The following WIPF2 variants were observed in gnomAD, a reference collection of about 807,000 sequenced individuals.
The protein encoded by WIPF2 is WAS/WASL-interacting protein family member 2.
Under a neutral mutation model 38.8 loss-of-function variants are expected in WIPF2, and 23 were observed. The observed-to-expected ratio is 0.59, with a 90% CI of 0.43 to 0.84. The LOEUF is 0.84. Among genes scored for constraint, WIPF2 ranks in the 40% least tolerant of loss-of-function variants. The pLI is 0.00. For missense variants in WIPF2, 574 were observed against 580.5 expected (o/e 0.99, Z 0.11); for synonymous variants, 210 against 223.2 (o/e 0.94, Z 0.53).
intron 1 of WIPF2, among the ~76,000 whole-genome samples, chr17:40,236,966 G>C (rs1419952207): frequency 6.6e-6 from 1 of 151,914 alleles, no homozygotes; most frequent in Non-Finnish European, 1.5e-5. Flanking sequence ...AAGACTTTAG[G>C]ATCTTGCCTT....
At position 40,280,277 on chromosome 17, in the gene WIPF2, T is replaced by C. The variant is rs1286481818; in HGVS notation, c.*2052T>C. ...TGAGGTCAGAAGTTCGAGACCAGCCTGTCCAACATGGTGAAACCCCGTCTC... is the reference window on the plus strand; with the variant it reads ...TGAGGTCAGAAGTTCGAGACCAGCCCGTCCAACATGGTGAAACCCCGTCTC... On this transcript the variant is annotated 3_prime_UTR_variant, in exon 8 of 8. Coordinates refer to ENST00000323571, the MANE Select transcript of WIPF2 (RefSeq NM_133264.5). 2 of 152,304 alleles carry C rather than the reference T, an allele frequency of 1.3e-5. No homozygotes were observed. The highest frequency in any genetic ancestry group is 4.8e-5 in the African/African-American group (2 of 41,466). The allele number at this position is 152,304 out of a possible 1,614,324, so 9.4% of individuals were successfully genotyped here.
chr17:40,264,326 C>CAAAAAAAAAAAAAA (rs772320240), intron 4 of WIPF2, among the ~76,000 whole-genome samples, 164 bp from the exon 5 acceptor site: 3 of 23,966 alleles, frequency 1.3e-4, no homozygotes, highest in Non-Finnish European at 2.6e-4. Flanking sequence ...AACTTCGTCT[C>CAAAAAAAAAAAAAA]AAAAAAAAAA....
intron 1 of WIPF2, among the ~76,000 whole-genome samples, chr17:40,233,539 G>A (rs925930613): frequency 6.6e-6 from 1 of 151,714 alleles, no homozygotes. Context: ...GTCCAGGATG[G>A]CATTGAACTC....
chr17:40,221,107 GAAT>G (rs2145260827), intron 1 of WIPF2, among the ~76,000 whole-genome samples: 1 of 152,184 alleles, frequency 6.6e-6, no homozygotes, highest in African/African-American at 2.4e-5. Context: ...TAAAGGACTT[GAAT>G]AATCTGTTAT....
chr17:40,231,961 G>A (rs1203597605), intron 1 of WIPF2, among the ~76,000 whole-genome samples: 1 of 137,398 alleles, frequency 7.3e-6, no homozygotes, highest in Non-Finnish European at 1.6e-5. Flanking sequence ...TTAGCAGTTA[G>A]TGGCATTACA....
intron 2 of WIPF2, among the ~76,000 whole-genome samples, chr17:40,259,675 A>T (rs2031838004): frequency 6.6e-6 from 1 of 152,164 alleles, no homozygotes; most frequent in Non-Finnish European, 1.5e-5. Flanking sequence ...TTGAGATAGG[A>T]TATGAGTTTT....
intron 6 of WIPF2, among the ~76,000 whole-genome samples, chr17:40,274,653 A>G (rs1878278717): frequency 6.6e-6 from 1 of 151,180 alleles, no homozygotes; most frequent in African/African-American, 2.4e-5. Context: ...AATATTAAAG[A>G]AAAAAGGATT....
intron 6 of WIPF2, among the ~76,000 whole-genome samples, chr17:40,274,931 CAAAAAAAA>C (rs777312230): frequency 4.4e-5 from 2 of 45,580 alleles, no homozygotes; most frequent in Admixed American, 4.7e-4. Context: ...GAATCTGTCT[CAAAAAAAA>C]AAAAAAAAAA....
intron 7 of WIPF2, among the ~76,000 whole-genome samples, chr17:40,277,722 C>CTTTTTT (rs1567727173): frequency 2.0e-5 from 2 of 99,590 alleles, no homozygotes; most frequent in African/African-American, 1.2e-4. Context: ...TCTTCGTTGT[C>CTTTTTT]CTTTTTTTTT....
chr17:40,235,488 T>G (rs1333063821), intron 1 of WIPF2, among the ~76,000 whole-genome samples: 2 of 151,776 alleles, frequency 1.3e-5, no homozygotes, highest in Non-Finnish European at 2.9e-5. Context: ...CTGACAGGTA[T>G]AAACCTCTTC....
intron 7 of WIPF2, among the ~76,000 whole-genome samples, 165 bp downstream of exon 7, chr17:40,277,349 C>A (rs1458027725): frequency 6.6e-6 from 1 of 152,110 alleles, no homozygotes. Context: ...GAATTCGAGA[C>A]CAGCCTGACC....
intron 5 of WIPF2, among the ~76,000 whole-genome samples, chr17:40,266,531 G>A (rs891671056): frequency 2.0e-5 from 3 of 152,132 alleles, no homozygotes; most frequent in Non-Finnish European, 4.4e-5. Flanking sequence ...CTTAATTGGA[G>A]TGGGTTCAAG....
At chr17:40,223,287 G>T (rs925312016) in intron 1 of WIPF2, among the ~76,000 whole-genome samples, 1 of 151,826 alleles carries the variant, frequency 6.6e-6, no homozygotes, top group African/African-American at 2.4e-5. Flanking sequence ...GGGATTACAG[G>T]CATGTGCCAC....
intron 4 of WIPF2, 108 bp from the exon 5 acceptor site, chr17:40,264,382 T>A (rs2032011443): frequency 5.5e-6 from 4 of 728,456 alleles, no homozygotes; most frequent in East Asian, 2.9e-5. Flanking sequence ...AATTATTCAA[T>A]TCCTTTCCCT....
chr17:40,246,742 G>T (rs1224434995), intron 1 of WIPF2, among the ~76,000 whole-genome samples: 1 of 152,080 alleles, frequency 6.6e-6, no homozygotes, highest in Non-Finnish European at 1.5e-5. Flanking sequence ...TTCAGCAAGT[G>T]ACTGCTGAGC....
chr17:40,236,668 G>C lies in WIPF2; in HGVS notation c.-70+17176G>C, dbSNP rs1173663208. Among the ~76,000 whole-genome samples, 158 of 150,164 alleles carry C rather than the reference G, an allele frequency of 1.1e-3. 1 individual carries two copies. Among genetic ancestry groups the C allele is most frequent in the Non-Finnish European group, 1.9e-4 (13 of 67,664 alleles). On this transcript the variant is annotated intron_variant, in intron 1 of 7. Transcript: ENST00000323571. ...CTGTCGCCCAGGCAGGAGTGCACTG[G>C]TGCGATCTCAGCTCACTGCAACCTC...
chr17:40,242,823 T>C (rs909106906), intron 1 of WIPF2, among the ~76,000 whole-genome samples: 3 of 152,256 alleles, frequency 2.0e-5, no homozygotes, highest in African/African-American at 7.2e-5. Context: ...ACTGATTTAC[T>C]GCAGTTGACT....
intron 1 of WIPF2, chr17:40,220,587 A>ATG (rs1246331836): frequency 1.7e-4 from 11 of 64,636 alleles, no homozygotes; most frequent in African/African-American, 4.0e-4. Context: ...ATATATATAT[A>ATG]TATATATATA....
At position 40,248,163 on chromosome 17, in the gene WIPF2, C is replaced by CTTTTTTTT. The variant is rs60359132; in HGVS notation, c.-69-8208_-69-8201dup. Among the ~76,000 whole-genome samples, 61 of 47,600 alleles carry CTTTTTTTT rather than the reference C, an allele frequency of 1.3e-3. 1 individual carries two copies. The highest frequency in any genetic ancestry group is 1.8e-3 in the Non-Finnish European group (42 of 23,678). The allele number at this position is 47,600 out of a possible 152,430, so 31.2% of individuals were successfully genotyped here. A position where few individuals can be genotyped will look rare whatever the true frequency, so the allele number is the denominator to read the frequency against. On this transcript the variant is annotated intron_variant, in intron 1 of 7. Transcript: ENST00000323571. ...TTTAATAAAAATTTAAAAGTTATTT[C>CTTTTTTTT]TTTTTTTTTTTTTTTTTTTTTTTTT...
Sources: gnomAD v4.1 joint callset for allele counts (sites outside exome capture counted in the v4.1 genomes callset) on GRCh38, gnomAD v4.1.1 for gene constraint, MANE v1.5 for transcripts, NCBI Gene and HGNC (gene_info 2026-07-23, HGNC 2026-07-21) for gene names.